FOXC1: variants seen among roughly 807,000 people sequenced by gnomAD.
FOXC1 encodes forkhead box C1, also known as forkhead box protein C1.
Under a neutral mutation model 8.1 loss-of-function variants are expected in FOXC1, and 5 were observed. The observed-to-expected ratio is 0.62, with a 90% CI of 0.32 to 1.30. FOXC1 has a LOEUF of 1.30. Ranked by LOEUF, FOXC1 falls within the 50% of genes most tolerant of loss-of-function variation. The probability of loss-of-function intolerance (pLI) is 0.05; values close to 1 mark genes in which losing one functional copy is unlikely to be tolerated. For synonymous variants in FOXC1, 552 were observed against 417.2 expected, an observed-to-expected ratio of 1.32 and a Z score of -3.94; for missense variants, 942 against 858.0, an observed-to-expected ratio of 1.10 and a Z score of -1.22.
In FOXC1 at chr6:1,611,795, CGGCGGCGGCGGGGGA is replaced by C; in HGVS notation, c.1354_1368del (p.Gly452_Gly456del). On this transcript the variant is annotated inframe_deletion, in exon 1 of 1. Transcript: ENST00000645831. This position sits in a 1 kb window ranked among gnomAD's most constrained non-coding sequence, Gnocchi z 7.1. ...CGTCCCTGAGTCACGGCGGCGGCGG[CGGCGGCGGCGGGGGA>C]GGCCAGGAGGCCGGCCACCACCCTG... 1 of 1,464,918 alleles carries C rather than the reference CGGCGGCGGCGGGGGA, an allele frequency of 6.8e-7. No individual in the cohort carries two copies. Among genetic ancestry groups the C allele is most frequent in the Non-Finnish European group, 9.0e-7 (1 of 1,112,732 alleles). The allele number at this position is 1,464,918 out of a possible 1,614,324, so 90.7% of individuals were successfully genotyped here.
rs1388370162 is a variant in FOXC1 at position 1,611,270 on chromosome 6, C to T, written c.825C>T (p.Gly275=). 1 of 1,397,442 alleles carries T rather than the reference C, an allele frequency of 7.2e-7. No individual in the cohort carries two copies. Among genetic ancestry groups the T allele is most frequent in the Non-Finnish European group, 9.3e-7 (1 of 1,076,688 alleles). The allele number at this position is 1,397,442 out of a possible 1,614,324, so 86.6% of individuals were successfully genotyped here. Residue 275 remains glycine, a synonymous_variant, in exon 1 of 1, where the codon GGC becomes GGT. Transcript: ENST00000645831. The surrounding 1 kb of genome is among the most constrained non-coding windows in gnomAD (Gnocchi z 7.1). ...SSLSSGSSPP[G]SLPSARPLSL... ...TGTCCAGCGGGAGCAGCCCCCCGGG[C>T]AGCCTGCCGTCGGCGCGGCCGCTCA...
chr6:1,610,728 C>G lies in FOXC1; in HGVS notation c.283C>G (p.Pro95Ala), dbSNP rs369078747. Residue 95 changes from proline to alanine, a missense_variant, in exon 1 of 1, where the codon CCG becomes GCG. This residue lies in a region of FOXC1 where 190 missense variants were observed against 176.8 expected (regional missense o/e 1.07). Transcript: ENST00000645831. ...CATCACCATGGCCATCCAGAACGCCCCGGACAAGAAGATCACCCTGAACGG... is the reference window on the plus strand; with the variant it reads ...CATCACCATGGCCATCCAGAACGCCGCGGACAAGAAGATCACCCTGAACGG... ...ALITMAIQNA[P>A]DKKITLNGIY... 6.2e-7 allele frequency: 1 copy of G among 1,613,876 alleles called. No homozygotes were observed. Among genetic ancestry groups the G allele is most frequent in the African/African-American group, 1.3e-5 (1 of 74,884 alleles).
Position 1,610,858 on chromosome 6 carries a change from A to G in FOXC1, c.413A>G (p.Lys138Arg), listed in dbSNP as rs756248798. The G allele has an allele frequency of 7.4e-6, 12 of 1,613,920 alleles. No homozygotes were observed. The highest frequency in any genetic ancestry group is 2.7e-5 in the African/African-American group (2 of 74,886). The change falls in exon 1 of 1, where the codon AAG (lysine) becomes AGG (arginine). Residue 138 changes from lysine to arginine, a missense_variant. This residue lies in a region of FOXC1 where 26 missense variants were observed against 65.5 expected (regional missense o/e 0.40). Transcript: ENST00000645831. ...CTCTCGCTCAACGAGTGCTTCGTCAAGGTGCCGCGCGACGACAAGAAGCCG... is the reference window on the plus strand; with the variant it reads ...CTCTCGCTCAACGAGTGCTTCGTCAGGGTGCCGCGCGACGACAAGAAGCCG... ...HNLSLNECFVKVPRDDKKPGK... is the reference protein window; with the variant it reads ...HNLSLNECFVRVPRDDKKPGK...
chr6:1,609,942 G>A lies in FOXC1; in HGVS notation c.-504G>A, dbSNP rs1302285568. 6.6e-6 allele frequency: 1 copy of A among 151,664 alleles called. No homozygotes were observed. The highest frequency in any genetic ancestry group is 2.1e-4 in the South Asian group (1 of 4,818). 9.4% of individuals were successfully genotyped at this position (151,664 alleles called of 1,614,324 possible). ...TCAAAAGTTCAGAAGTTTTCCCAAT[G>A]CTTCCTTAAGCGGCTGGCGCGCGAG... is the stretch of plus-strand genomic sequence containing the variant. On this transcript the variant is annotated 5_prime_UTR_variant, in exon 1 of 1. An upstream start codon of the reference 5' UTR is lost. Transcript: ENST00000645831.
chr6:1,610,541 G>A lies in FOXC1; in HGVS notation c.96G>A (p.Ala32=). The A allele has an allele frequency of 6.5e-7, 1 of 1,544,600 alleles. No homozygotes were observed. Among genetic ancestry groups the A allele is most frequent in the South Asian group, 1.2e-5 (1 of 84,438 alleles). ...EQSYYRAAAA[A]AGGGYTAMPA... ...GCTACTACCGCGCGGCGGCCGCGGC[G>A]GCCGGGGGCGGCTACACCGCCATGC... Residue 32 remains alanine, a synonymous_variant, in exon 1 of 1, where the codon GCG becomes GCA. Transcript: ENST00000645831.
Position 1,610,795 on chromosome 6 carries a change from A to C in FOXC1, c.350A>C (p.Asp117Ala). Residue 117 changes from aspartate (D) to alanine (A), a missense_variant, in exon 1 of 1, where the codon GAC becomes GCC. By Grantham distance (126) the Asp-to-Ala change is moderately radical. Coordinates refer to ENST00000645831, the MANE Select transcript of FOXC1 (RefSeq NM_001453.3). ...ATGGACCGCTTCCCCTTCTACCGGG[A>C]CAACAAGCAGGGCTGGCAGAACAGC... Reference protein sequence around the residue: ...FIMDRFPFYRDNKQGWQNSIR... With the variant: ...FIMDRFPFYRANKQGWQNSIR... The C allele has an allele frequency of 6.2e-7, 1 of 1,614,056 alleles. No homozygotes were observed. The highest frequency in any genetic ancestry group is 8.5e-7 in the Non-Finnish European group (1 of 1,179,994).
Position 1,611,867 on chromosome 6 carries a change from C to G in FOXC1, c.1422C>G (p.Tyr474Ter). Residue 474 changes from tyrosine to a stop codon, truncating the protein, a stop_gained, in exon 1 of 1, where the codon TAC (tyrosine) becomes TAG (stop). Coordinates refer to ENST00000645831, the MANE Select transcript of FOXC1 (RefSeq NM_001453.3). LOFTEE classifies it high-confidence loss of function. This position sits in a 1 kb window ranked among gnomAD's most constrained non-coding sequence, Gnocchi z 7.1. The part of the protein sequence containing the change: ...AAHQGRLTSW[Y>*]LNQAGGDLGH... ...ACCAAGGCCGCCTCACCTCGTGGTA[C>G]CTGAACCAGGCGGGCGGAGACCTGG... is the stretch of plus-strand genomic sequence containing the variant. The G allele has an allele frequency of 6.5e-7, 1 of 1,542,784 alleles. No individual in the cohort carries two copies. The highest frequency in any genetic ancestry group is 1.2e-5 in the South Asian group (1 of 83,742).
In FOXC1 at chr6:1,610,607, G is replaced by A. The variant is rs1220857734; in HGVS notation, c.162G>A (p.Glu54=). The change falls in exon 1 of 1, where the codon GAG becomes GAA. Residue 54 remains glutamate, a synonymous_variant. Coordinates refer to ENST00000645831, the MANE Select transcript of FOXC1 (RefSeq NM_001453.3). ...MSVYSHPAHA[E]QYPGGMARAY... The stretch of plus-strand genomic sequence containing the variant: ...TGTACTCGCACCCTGCGCACGCCGA[G>A]CAGTACCCGGGCGGCATGGCCCGCG... The A allele has an allele frequency of 1.2e-6, 2 of 1,610,052 alleles. No homozygotes were observed. Among genetic ancestry groups the A allele is most frequent in the Non-Finnish European group, 1.7e-6 (2 of 1,179,028 alleles).
Position 1,611,690 on chromosome 6 carries a change from G to T in FOXC1, c.1245G>T (p.Ala415=), listed in dbSNP as rs759491792. Residue 415 remains alanine, a synonymous_variant, in exon 1 of 1, where the codon GCG becomes GCT. Coordinates refer to ENST00000645831, the MANE Select transcript of FOXC1 (RefSeq NM_001453.3). This position sits in a 1 kb window ranked among gnomAD's most constrained non-coding sequence, Gnocchi z 7.1. The part of the protein sequence containing the change: ...AGERGGHLQG[A]PGGAGGSAVD... ...AGCGCGGGGGCCACTTGCAGGGCGC[G>T]CCCGGGGGCGCGGGCGGCTCGGCCG... The T allele has an allele frequency of 3.9e-5, 56 of 1,424,182 alleles. No homozygotes were observed. The South Asian group carries it at 6.8e-4, about 17-fold the overall frequency. The allele number at this position is 1,424,182 out of a possible 1,614,324, so 88.2% of individuals were successfully genotyped here.
In FOXC1 at chr6:1,613,808, C is replaced by T. The variant is rs543347962; in HGVS notation, c.*1701C>T. The T allele has an allele frequency of 1.8e-5, 4 of 220,308 alleles. No homozygotes were observed. The highest frequency in any genetic ancestry group is 7.4e-5 in the East Asian group (1 of 13,512). The allele number at this position is 220,308 out of a possible 1,614,324, so 13.6% of individuals were successfully genotyped here. The stretch of plus-strand genomic sequence containing the variant: ...CTGCCGCTCCTATCTAGAGGCAACA[C>T]TTAAGCAGTAATTGCTGTTGCTTGT... On this transcript the variant is annotated 3_prime_UTR_variant, in exon 1 of 1. Coordinates refer to ENST00000645831, the MANE Select transcript of FOXC1 (RefSeq NM_001453.3).
chr6:1,612,468 G>A lies in FOXC1; in HGVS notation c.*361G>A, dbSNP rs774927159. 13 of 428,314 alleles carry A rather than the reference G, an allele frequency of 3.0e-5. No individual in the cohort carries two copies. Among genetic ancestry groups the A allele is most frequent in the African/African-American group, 2.2e-4 (11 of 49,810 alleles). 26.5% of individuals were successfully genotyped at this position (428,314 alleles called of 1,614,324 possible). ...CAGAGACCTGCTTTCCCCTCCTCCC[G>A]TCTCCCCTCTCTTGCCTTCTTCCTT... On this transcript the variant is annotated 3_prime_UTR_variant, in exon 1 of 1. Coordinates refer to ENST00000645831, the MANE Select transcript of FOXC1 (RefSeq NM_001453.3).
rs376059255 is a variant in FOXC1, at chr6:1,611,994, G to A, written c.1549G>A (p.Gly517Ser). 1.9e-6 allele frequency: 3 copies of A among 1,609,708 alleles called. No individual in the cohort carries two copies. Among genetic ancestry groups the A allele is most frequent in the African/African-American group, 1.3e-5 (1 of 74,994 alleles). ...VREMFESQRI[G>S]LNNSPVNGNS... ...GGAGATGTTCGAGTCACAGAGGATC[G>A]GCTTGAACAACTCTCCAGTGAACGG... Residue 517 changes from glycine (G) to serine (S), a missense_variant, in exon 1 of 1, where the codon GGC becomes AGC. Coordinates refer to ENST00000645831, the MANE Select transcript of FOXC1 (RefSeq NM_001453.3). The surrounding 1 kb of genome is among the most constrained non-coding windows in gnomAD (Gnocchi z 7.1).
rs1762560924 is a variant in FOXC1 at position 1,611,868 on chromosome 6, C to T, written c.1423C>T (p.Leu475=). 6.5e-7 allele frequency: 1 copy of T among 1,543,566 alleles called. No individual in the cohort carries two copies. The highest frequency in any genetic ancestry group is 8.7e-7 in the Non-Finnish European group (1 of 1,143,594). The part of the protein sequence containing the change: ...AHQGRLTSWY[L]NQAGGDLGHL... ...CCAAGGCCGCCTCACCTCGTGGTACCTGAACCAGGCGGGCGGAGACCTGGG... is the reference window on the plus strand; with the variant it reads ...CCAAGGCCGCCTCACCTCGTGGTACTTGAACCAGGCGGGCGGAGACCTGGG... Residue 475 remains leucine, a synonymous_variant, in exon 1 of 1, where the codon CTG becomes TTG. Coordinates refer to ENST00000645831, the MANE Select transcript of FOXC1 (RefSeq NM_001453.3). The surrounding 1 kb of genome is among the most constrained non-coding windows in gnomAD (Gnocchi z 7.1).
chr6:1,610,872 G>A lies in FOXC1; in HGVS notation c.427G>A (p.Asp143Asn). The change falls in exon 1 of 1, where the codon GAC becomes AAC. Residue 143 changes from aspartate (D) to asparagine (N), a missense_variant. By Grantham distance (23) the Asp-to-Asn change is conservative. Transcript: ENST00000645831. ...GTGCTTCGTCAAGGTGCCGCGCGACGACAAGAAGCCGGGCAAGGGCAGCTA... is the reference window on the plus strand; with the variant it reads ...GTGCTTCGTCAAGGTGCCGCGCGACAACAAGAAGCCGGGCAAGGGCAGCTA... ...NECFVKVPRD[D>N]KKPGKGSYWT... The A allele has an allele frequency of 1.9e-6, 3 of 1,614,030 alleles. No homozygotes were observed. The highest frequency in any genetic ancestry group is 1.7e-6 in the Non-Finnish European group (2 of 1,180,008).
At position 1,611,556 on chromosome 6, in the gene FOXC1, G is replaced by A. The variant is rs748486189; in HGVS notation, c.1111G>A (p.Ala371Thr). 6.5e-6 allele frequency: 8 copies of A among 1,226,938 alleles called. No homozygotes were observed. The South Asian group carries it at 2.0e-4, about 31-fold the overall frequency. The allele number at this position is 1,226,938 out of a possible 1,614,324, so 76.0% of individuals were successfully genotyped here. A position where few individuals can be genotyped will look rare whatever the true frequency, so the allele number is the denominator to read the frequency against. The change falls in exon 1 of 1, where the codon GCG becomes ACG. Residue 371 changes from alanine (A) to threonine (T), a missense_variant. Transcript: ENST00000645831. The surrounding 1 kb of genome is among the most constrained non-coding windows in gnomAD (Gnocchi z 7.1). Reference protein sequence around the residue: ...YSSPCSQTSSAGSSGGGGGGA... With the variant: ...YSSPCSQTSSTGSSGGGGGGA... ...CTCCCCCTGCAGCCAGACCTCCAGC[G>A]CGGGCAGCTCGGGCGGCGGCGGCGG...
chr6:1,612,230 A>C lies in FOXC1; in HGVS notation c.*123A>C, dbSNP rs1349510047. ...AAAAAAACCCCTGAGAATATTCACC[A>C]CACCAGCGAACAGAATATCCCTCCA... On this transcript the variant is annotated 3_prime_UTR_variant, in exon 1 of 1. Coordinates refer to ENST00000645831, the MANE Select transcript of FOXC1 (RefSeq NM_001453.3). The C allele has an allele frequency of 9.8e-6, 14 of 1,422,082 alleles. No homozygotes were observed. The Admixed American group carries it at 2.2e-4, about 22-fold the overall frequency. 88.1% of individuals were successfully genotyped at this position (1,422,082 alleles called of 1,614,324 possible). A position where few individuals can be genotyped will look rare whatever the true frequency, so the allele number is the denominator to read the frequency against.
chr6:1,610,998 G>A lies in FOXC1; in HGVS notation c.553G>A (p.Glu185Lys). The A allele has an allele frequency of 4.3e-6, 7 of 1,611,026 alleles. No homozygotes were observed. Among genetic ancestry groups the A allele is most frequent in the South Asian group, 3.3e-5 (3 of 90,984 alleles). Residue 185 changes from glutamate (E) to lysine (K), a missense_variant, in exon 1 of 1, where the codon GAG becomes AAG. Glu to Lys is a moderately conservative substitution (Grantham distance 56, BLOSUM62 1). Transcript: ENST00000645831. ...GAAGGACGCGGTGAAGGACAAGGAG[G>A]AGAAGGACAGGCTGCACCTCAAGGA... ...KKKDAVKDKE[E>K]KDRLHLKEPP...
chr6:1,610,783 C>G lies in FOXC1; in HGVS notation c.338C>G (p.Pro113Arg). The G allele has an allele frequency of 6.2e-7, 1 of 1,614,038 alleles. No individual in the cohort carries two copies. The highest frequency in any genetic ancestry group is 8.5e-7 in the Non-Finnish European group (1 of 1,180,010). Residue 113 changes from proline to arginine, a missense_variant, in exon 1 of 1, where the codon CCC becomes CGC. Physicochemically the swap from Pro to Arg is moderately radical, Grantham distance 103. This residue lies in a region of FOXC1 where 190 missense variants were observed against 176.8 expected (regional missense o/e 1.07). Transcript: ENST00000645831. ...TACCAGTTCATCATGGACCGCTTCC[C>G]CTTCTACCGGGACAACAAGCAGGGC... is the stretch of plus-strand genomic sequence containing the variant. ...GIYQFIMDRF[P>R]FYRDNKQGWQ...
In FOXC1 at chr6:1,610,545, G is replaced by A. The variant is rs1762516710; in HGVS notation, c.100G>A (p.Gly34Arg). The change falls in exon 1 of 1, where the codon GGG (glycine) becomes AGG (arginine). Residue 34 changes from glycine (G) to arginine (R), a missense_variant. Around this residue, in one of 4 missense-constraint regions of FOXC1, gnomAD observed 190 missense variants for 176.8 expected, o/e 1.07. Coordinates refer to ENST00000645831, the MANE Select transcript of FOXC1 (RefSeq NM_001453.3). Reference sequence around the variant, plus strand: ...CTACCGCGCGGCGGCCGCGGCGGCCGGGGGCGGCTACACCGCCATGCCGGC... The same window carrying A: ...CTACCGCGCGGCGGCCGCGGCGGCCAGGGGCGGCTACACCGCCATGCCGGC... ...SYYRAAAAAAGGGYTAMPAPM... is the reference protein window; with the variant it reads ...SYYRAAAAAARGGYTAMPAPM... 6 of 1,548,996 alleles carry A rather than the reference G, an allele frequency of 3.9e-6. No homozygotes were observed. The highest frequency in any genetic ancestry group is 4.4e-6 in the Non-Finnish European group (5 of 1,148,062).
Sources: gnomAD v4.1 joint callset for allele counts on GRCh38, gnomAD v4.1.1 for gene constraint, gnomAD v4.1.1 regional missense constraint, Gnocchi (gnomAD v3.1) non-coding constraint, MANE v1.5 for transcripts, NCBI Gene and HGNC (gene_info 2026-07-23, HGNC 2026-07-21) for gene names.